The following CADM2 variants were observed in gnomAD, a reference collection of about 807,000 sequenced individuals.
The protein encoded by CADM2 is immunoglobulin superfamily member 4D.
A neutral mutation model predicts 49.8 loss-of-function variants in CADM2; 12 were observed. That is an observed-to-expected ratio of 0.24 (90% confidence interval 0.15 to 0.39). The LOEUF is 0.39. CADM2 is among the 10% of genes least tolerant of loss of function. The pLI is 1.00. For missense variants in CADM2, 378 were observed against 492.3 expected (o/e 0.77, Z 2.20); for synonymous variants, 214 against 175.4 (o/e 1.22, Z -1.74).
chr3:85,526,662 G>A (rs1245584902), intron 1 of CADM2, among the ~76,000 whole-genome samples: 1 of 151,906 alleles, frequency 6.6e-6, no homozygotes, highest in Admixed American at 6.6e-5. Context: ...TTTTATTGAA[G>A]ACCAAAAATG....
intron 2 of CADM2, among the ~76,000 whole-genome samples, chr3:85,736,190 T>A (rs534319595): frequency 2.0e-5 from 3 of 152,156 alleles, no homozygotes; most frequent in African/African-American, 7.2e-5. Flanking sequence ...AAGGAAGTGG[T>A]GTTCAACTGG....
intron 1 of CADM2, among the ~76,000 whole-genome samples, chr3:85,010,581 A>C (rs552734333): frequency 6.6e-6 from 1 of 152,248 alleles, no homozygotes; most frequent in East Asian, 1.9e-4. Flanking sequence ...CCCTGGCATT[A>C]AGTTTCCCTT....
chr3:85,070,480 C>T (rs1268009497), intron 1 of CADM2, among the ~76,000 whole-genome samples: 1 of 151,990 alleles, frequency 6.6e-6, no homozygotes, highest in African/African-American at 2.4e-5. Flanking sequence ...AACACTTAAA[C>T]CTAAGGATAA....
Position 85,172,412 on chromosome 3 carries a change from G to A in CADM2, c.61+212744G>A, listed in dbSNP as rs1169968189. ...AAATATCCCCCTTAAGAGATGACAT[G>A]CTTAGTGGCAAAAGCATTATAAAAA... is the stretch of plus-strand genomic sequence containing the variant. On this transcript the variant is annotated intron_variant, in intron 1 of 9. Transcript: ENST00000383699. Among the ~76,000 whole-genome samples the A allele has an allele frequency of 2.6e-5, 4 of 152,320 alleles. No homozygotes were observed. In the East Asian group the frequency reaches 5.8e-4, roughly 22 times the overall value.
At chr3:85,619,044 GA>G (rs62724860) in intron 1 of CADM2, among the ~76,000 whole-genome samples, 95,728 of 146,492 alleles carry the variant, frequency 0.65, 32,373 homozygotes, top group East Asian at 0.9. Context: ...TGTCTCAAAA[GA>G]AAAAAAAAAA....
chr3:85,953,267 G>A (rs1164431137), intron 7 of CADM2, among the ~76,000 whole-genome samples: 1 of 150,930 alleles, frequency 6.6e-6, no homozygotes, highest in Non-Finnish European at 1.5e-5. Context: ...CTTATAGTTT[G>A]CCTTTTGCTT....
At chr3:85,274,866 A>C (rs769734826) in intron 1 of CADM2, among the ~76,000 whole-genome samples, 1 of 151,478 alleles carries the variant, frequency 6.6e-6, no homozygotes, top group Non-Finnish European at 1.5e-5. Flanking sequence ...GGAATTGAGA[A>C]GGAGTTTTCT....
chr3:85,285,901 T>C, intron 1 of CADM2, among the ~76,000 whole-genome samples: 1 of 152,030 alleles, frequency 6.6e-6, no homozygotes, highest in East Asian at 1.9e-4. Flanking sequence ...TGAATTTCAG[T>C]TTCTGGGTGA....
intron 3 of CADM2, among the ~76,000 whole-genome samples, chr3:85,845,643 G>T (rs2074848746): frequency 6.6e-6 from 1 of 152,108 alleles, no homozygotes; most frequent in African/African-American, 2.4e-5. Flanking sequence ...CCCCAAGTTA[G>T]ATTATGTCAG....
At chr3:85,908,776 G>A (rs1717160116) in intron 5 of CADM2, among the ~76,000 whole-genome samples, 1 of 150,728 alleles carries the variant, frequency 6.6e-6, no homozygotes, top group African/African-American at 2.5e-5. Context: ...CCAGGCTGGA[G>A]TGCAGGGGCG....
Position 85,558,827 on chromosome 3 carries a change from G to A in CADM2, c.62-167695G>A, listed in dbSNP as rs547158469. The stretch of plus-strand genomic sequence containing the variant: ...ATCTCGTTCATTTGGAAGTCTTACA[G>A]GCACCAAAACAATCATGGAGAGAAG... On this transcript the variant is annotated intron_variant, in intron 1 of 9. Transcript: ENST00000383699. Among the ~76,000 whole-genome samples, 3 of 152,074 alleles carry A rather than the reference G, an allele frequency of 2.0e-5. No homozygotes were observed. The South Asian group carries it at 6.2e-4, about 32-fold the overall frequency.
At chr3:85,135,890 G>A (rs1347038442) in intron 1 of CADM2, among the ~76,000 whole-genome samples, 1 of 151,902 alleles carries the variant, frequency 6.6e-6, no homozygotes, top group East Asian at 1.9e-4. Flanking sequence ...TTAAAATTAA[G>A]TGCCATGATC....
At chr3:84,997,850 T>C (rs1330357784) in intron 1 of CADM2, among the ~76,000 whole-genome samples, 1 of 152,252 alleles carries the variant, frequency 6.6e-6, no homozygotes, top group Non-Finnish European at 1.5e-5. Context: ...TTGCTAAAGA[T>C]AGTGGCACTA....
intron 1 of CADM2, among the ~76,000 whole-genome samples, chr3:85,548,025 T>C (rs990081348): frequency 2.6e-5 from 4 of 151,914 alleles, no homozygotes; most frequent in South Asian, 4.1e-4. Context: ...CTGATTTCAG[T>C]GATCAGTCCT....
chr3:85,295,834 G>T (rs929652598), intron 1 of CADM2, among the ~76,000 whole-genome samples: 1 of 151,926 alleles, frequency 6.6e-6, no homozygotes, highest in Admixed American at 6.6e-5. Flanking sequence ...GCTAGATGAC[G>T]AGTTAGTGGG....
At chr3:84,978,614 G>C (rs1398200311) in intron 1 of CADM2, among the ~76,000 whole-genome samples, 1 of 152,142 alleles carries the variant, frequency 6.6e-6, no homozygotes, top group Admixed American at 6.6e-5. Context: ...AGGGAAAATA[G>C]AGCGGAGGAA....
Position 86,068,522 on chromosome 3 carries a change from T to A in CADM2, c.*1739T>A, listed in dbSNP as rs1454015217. The stretch of plus-strand genomic sequence containing the variant: ...TATTGTGGAATATATTTTTGGGTAA[T>A]AAGAATGGTTGAGTGCAACATCATG... On this transcript the variant is annotated 3_prime_UTR_variant, in exon 10 of 10. Coordinates refer to ENST00000383699, the MANE Select transcript of CADM2 (RefSeq NM_001167675.2). 3.3e-5 allele frequency: 5 copies of A among 151,966 alleles called. No individual in the cohort carries two copies. Among genetic ancestry groups the A allele is most frequent in the Admixed American group, 6.6e-5 (1 of 15,244 alleles). The allele number at this position is 151,966 out of a possible 1,614,324, so 9.4% of individuals were successfully genotyped here.
rs973670729 is a variant in CADM2 at position 86,068,609 on chromosome 3, A to C, written c.*1826A>C. ...TTGATTATTTATCAAAAAAGTATAA[A>C]TCTTTTAAGGAAAATGTTAGAATTT... is the stretch of plus-strand genomic sequence containing the variant. On this transcript the variant is annotated 3_prime_UTR_variant, in exon 10 of 10. Coordinates refer to ENST00000383699, the MANE Select transcript of CADM2 (RefSeq NM_001167675.2). 7.2e-5 allele frequency: 11 copies of C among 152,116 alleles called. No homozygotes were observed. Among genetic ancestry groups the C allele is most frequent in the African/African-American group, 2.7e-4 (11 of 41,420 alleles). The allele number at this position is 152,116 out of a possible 1,614,324, so 9.4% of individuals were successfully genotyped here.
intron 8 of CADM2, among the ~76,000 whole-genome samples, chr3:86,016,735 T>A (rs187602365): frequency 3.9e-5 from 6 of 152,256 alleles, no homozygotes; most frequent in Admixed American, 6.5e-5. Flanking sequence ...ATGTTAACAC[T>A]TAGGGAAATC....
Sources: gnomAD v4.1 joint callset for allele counts (sites outside exome capture counted in the v4.1 genomes callset) on GRCh38, gnomAD v4.1.1 for gene constraint, MANE v1.5 for transcripts, NCBI Gene and HGNC (gene_info 2026-07-23, HGNC 2026-07-21) for gene names.